The following PALM variants were observed in gnomAD, a reference collection of about 807,000 sequenced individuals.
PALM encodes paralemmin.
A neutral mutation model predicts 30.7 loss-of-function variants in PALM; 18 were observed. The ratio of observed to expected loss-of-function variants is 0.59; its 90% CI spans 0.41 to 0.87. The LOEUF (loss-of-function observed/expected upper bound fraction) is 0.87. Ranked by LOEUF, PALM falls within the 40% of genes least tolerant of loss-of-function variation. The pLI is 0.00. For missense variants in PALM, 529 were observed against 555.4 expected (o/e 0.95, Z 0.48); for synonymous variants, 286 against 242.8 (o/e 1.18, Z -1.66).
intron 4 of PALM, among the ~76,000 whole-genome samples, chr19:730,872 ACG>A: frequency 6.6e-6 from 1 of 152,042 alleles, no homozygotes; most frequent in Non-Finnish European, 1.5e-5. Flanking sequence ...GTGGTGGTGC[ACG>A]CCTGTAATCC....
At chr19:726,957 G>A (rs909973479) in intron 2 of PALM, 51 bp from the exon 3 acceptor site, 4 of 1,109,142 alleles carry the variant, frequency 3.6e-6, no homozygotes, top group African/African-American at 1.6e-5. Flanking sequence ...GGGTGGGGGG[G>A]TCTCCGGGAC....
chr19:724,953 T>C (rs2032611323), intron 1 of PALM, among the ~76,000 whole-genome samples: 1 of 151,712 alleles, frequency 6.6e-6, no homozygotes, highest in Admixed American at 6.6e-5. Flanking sequence ...AGGGTCTCAC[T>C]CTGTTGCCCA....
At chr19:739,002 T>C (rs1238246923) in intron 7 of PALM, among the ~76,000 whole-genome samples, 6 of 152,154 alleles carry the variant, frequency 3.9e-5, no homozygotes, top group African/African-American at 1.4e-4. Flanking sequence ...CAGCTCCCGC[T>C]GCGGGGCGGG....
chr19:728,054 G>A (rs1277614747), intron 4 of PALM, among the ~76,000 whole-genome samples: 1 of 150,338 alleles, frequency 6.7e-6, no homozygotes, highest in African/African-American at 2.5e-5. Flanking sequence ...GGTCCCTGGA[G>A]CTGGGTGTTG....
rs558928738 is a variant in PALM at position 716,707 on chromosome 19, C to T, written c.5+7556C>T. Among the ~76,000 whole-genome samples the T allele has an allele frequency of 2.0e-5, 3 of 152,268 alleles. No individual in the cohort carries two copies. The East Asian group carries it at 5.8e-4, about 29-fold the overall frequency. ...CTCAGGGCAGGGCCAGCAGGGGTTTCAGCACTCCATGGGGGTTGGGAAGGA... is the reference window on the plus strand; with the variant it reads ...CTCAGGGCAGGGCCAGCAGGGGTTTTAGCACTCCATGGGGGTTGGGAAGGA... On this transcript the variant is annotated intron_variant, in intron 1 of 8. Coordinates refer to ENST00000338448, the MANE Select transcript of PALM (RefSeq NM_002579.3).
chr19:717,606 T>C (rs961327274), intron 1 of PALM, among the ~76,000 whole-genome samples: 2 of 152,120 alleles, frequency 1.3e-5, no homozygotes, highest in East Asian at 3.9e-4. Flanking sequence ...CCCGAGATGG[T>C]TGGAGCTTGT....
intron 6 of PALM, chr19:734,535 C>G (rs1599159187): frequency 6.7e-6 from 2 of 298,758 alleles, no homozygotes; most frequent in East Asian, 1.8e-4. Context: ...GAGACCCTGT[C>G]TCTGCCAAAC....
intron 4 of PALM, among the ~76,000 whole-genome samples, chr19:730,594 T>C (rs930261765): frequency 2.0e-5 from 3 of 152,132 alleles, no homozygotes; most frequent in African/African-American, 7.2e-5. Flanking sequence ...TCAGCCCTGG[T>C]TTGGATCCCG....
intron 7 of PALM, 124 bp from the exon 8 acceptor site, chr19:740,228 T>TCCGCCTGCC (rs2033146177): frequency 1.1e-6 from 1 of 950,024 alleles, no homozygotes; most frequent in East Asian, 2.8e-5. Flanking sequence ...CATCCCCGGC[T>TCCGCCTGCC]CCGCCTGCCC....
chr19:740,387 A>G lies in PALM; in HGVS notation c.538A>G (p.Lys180Glu). 1 of 1,562,830 alleles carries G rather than the reference A, an allele frequency of 6.4e-7. No homozygotes were observed. Among genetic ancestry groups the G allele is most frequent in the Non-Finnish European group, 8.7e-7 (1 of 1,153,228 alleles). The change falls in exon 8 of 9, where the codon AAG becomes GAG. Residue 180 changes from lysine to glutamate, a missense_variant. Lys to Glu is a moderately conservative substitution (Grantham distance 56). Coordinates refer to ENST00000338448, the MANE Select transcript of PALM (RefSeq NM_002579.3). Reference sequence around the variant, plus strand: ...GGTTGAGATCACTGTGGAGAAGGACAAGGTGACAGGGGAGACCAGGGTGCT... The same window carrying G: ...GGTTGAGATCACTGTGGAGAAGGACGAGGTGACAGGGGAGACCAGGGTGCT... ...YSVEITVEKDKVTGETRVLSS... is the reference protein window; with the variant it reads ...YSVEITVEKDEVTGETRVLSS...
At chr19:728,309 C>A (rs1450629790) in intron 4 of PALM, among the ~76,000 whole-genome samples, 5 of 152,140 alleles carry the variant, frequency 3.3e-5, no homozygotes, top group Admixed American at 3.3e-4. Flanking sequence ...AGGGAAGTGA[C>A]GACCAAGATT....
chr19:717,300 A>G (rs2032296941), intron 1 of PALM, among the ~76,000 whole-genome samples: 2 of 152,002 alleles, frequency 1.3e-5, no homozygotes, highest in African/African-American at 2.4e-5. Context: ...CCCATTAGGC[A>G]TCCCCTCCCG....
chr19:720,726 C>T (rs2032450347), intron 1 of PALM, among the ~76,000 whole-genome samples: 1 of 152,134 alleles, frequency 6.6e-6, no homozygotes, highest in Non-Finnish European at 1.5e-5. Flanking sequence ...TGACATTCCC[C>T]CGCCCTGGCC....
intron 1 of PALM, among the ~76,000 whole-genome samples, chr19:713,209 C>T (rs192294919): frequency 7.6e-4 from 116 of 151,826 alleles, no homozygotes; most frequent in Non-Finnish European, 1.1e-3. Flanking sequence ...ATCCTGGTGT[C>T]GGCTTTCAAT....
chr19:712,680 G>GTT (rs35278731), intron 1 of PALM, among the ~76,000 whole-genome samples: 9 of 148,950 alleles, frequency 6.0e-5, no homozygotes, highest in Non-Finnish European at 1.2e-4. Context: ...GCCATGCCTG[G>GTT]TTTTTTTTTA....
chr19:727,243 C>CCCTGACCCCGACCCTGACCCCAACCT (rs1568225387), intron 3 of PALM, among the ~76,000 whole-genome samples, 155 bp downstream of exon 3: 1 of 93,524 alleles, frequency 1.1e-5, no homozygotes, highest in African/African-American at 3.9e-5. Context: ...ACCCCGACCC[C>CCCTGACCCCGACCCTGACCCCAACCT]GACCCCGACC....
At position 727,004 on chromosome 19, in the gene PALM, A is replaced by T; in HGVS notation, c.58-4A>T. 4.6e-6 allele frequency: 2 copies of T among 432,974 alleles called. No individual in the cohort carries two copies. Among genetic ancestry groups the T allele is most frequent in the Non-Finnish European group, 7.9e-6 (2 of 254,434 alleles). 26.8% of individuals were successfully genotyped at this position (432,974 alleles called of 1,614,324 possible). A position where few individuals can be genotyped will look rare whatever the true frequency, so the allele number is the denominator to read the frequency against. On this transcript the variant is annotated splice_region_variant and splice_polypyrimidine_tract_variant and intron_variant, in intron 2 of 8. Transcript: ENST00000338448. The stretch of plus-strand genomic sequence containing the variant: ...TCCCTGACCCCACCCGGCCCTCCCC[A>T]CAGGAGAAGCGGAAGCGGCAGGCGG...
chr19:726,283 C>A, intron 2 of PALM, 94 bp downstream of exon 2: 3 of 1,003,756 alleles, frequency 3.0e-6, no homozygotes, highest in Non-Finnish European at 3.1e-6. Flanking sequence ...GGACCTGGAA[C>A]CAGGGCATGG....
At chr19:738,300 G>A (rs996444202) in intron 7 of PALM, among the ~76,000 whole-genome samples, 1 of 152,148 alleles carries the variant, frequency 6.6e-6, no homozygotes, top group Non-Finnish European at 1.5e-5. Flanking sequence ...GCCGAGGGGG[G>A]CAGATCATGA....
Sources: allele counts gnomAD v4.1 joint callset (sites outside exome capture counted in the v4.1 genomes callset), GRCh38; gene constraint gnomAD v4.1.1; transcripts MANE v1.5; gene names NCBI Gene and HGNC (gene_info 2026-07-23, HGNC 2026-07-21).